The following ROBO1 variants were observed in gnomAD, a reference collection of about 807,000 sequenced individuals.
ROBO1 encodes the protein roundabout guidance receptor 1, also known as roundabout homolog 1.
ROBO1 carries 149 observed loss-of-function variants against 195.9 expected under a neutral mutation model. The observed-to-expected ratio is 0.76, with a 90% CI of 0.67 to 0.87. The LOEUF is 0.87. Ranked by LOEUF, ROBO1 falls within the 40% of genes least tolerant of loss-of-function variation. The pLI is 0.00. For synonymous variants in ROBO1, 816 were observed against 733.2 expected, an observed-to-expected ratio of 1.11 and a Z score of -1.82; for missense variants, 1,933 against 2,068.3, an observed-to-expected ratio of 0.93 and a Z score of 1.27.
Position 78,947,059 on chromosome 3 carries a change from C to A in ROBO1, c.173-8132G>T, listed in dbSNP as rs1215380194. Among the ~76,000 whole-genome samples the A allele has an allele frequency of 5.9e-5, 9 of 152,198 alleles. No individual in the cohort carries two copies. The East Asian group carries it at 1.7e-3, about 29-fold the overall frequency. On this transcript the variant is annotated intron_variant, in intron 3 of 30. Coordinates refer to ENST00000464233, the MANE Select transcript of ROBO1 (RefSeq NM_002941.4). ...TGACCTACAAAGAGACTTAGACTCC[C>A]ACACAATAATAATGGGAGATTTTAA...
intron 2 of ROBO1, among the ~76,000 whole-genome samples, chr3:79,196,742 GACTATCA>G (rs2081645001): frequency 6.6e-6 from 1 of 151,752 alleles, no homozygotes; most frequent in Admixed American, 6.6e-5. Context: ...AACACTTGCA[GACTATCA>G]ACTGGTAGGA....
intron 2 of ROBO1, among the ~76,000 whole-genome samples, chr3:79,420,374 C>T (rs978492591): frequency 2.6e-5 from 4 of 152,096 alleles, no homozygotes; most frequent in African/African-American, 2.4e-5. Context: ...TTCTTACCAA[C>T]GAATACAAAG....
At chr3:79,032,237 G>T (rs1014976299) in intron 3 of ROBO1, among the ~76,000 whole-genome samples, 11 of 151,898 alleles carry the variant, frequency 7.2e-5, no homozygotes, top group African/African-American at 1.9e-4. Flanking sequence ...ACAATACAGG[G>T]TACATAATAT....
chr3:79,067,231 T>C (rs945448788), intron 3 of ROBO1, among the ~76,000 whole-genome samples: 9 of 151,946 alleles, frequency 5.9e-5, no homozygotes, highest in Middle Eastern at 3.2e-3. Flanking sequence ...AAAAAGTTGA[T>C]TATTTCGTTG....
rs530482226 is a variant in ROBO1 at position 79,719,835 on chromosome 3, T to C, written c.-51+47917A>G. Among the ~76,000 whole-genome samples, 6 of 152,326 alleles carry C rather than the reference T, an allele frequency of 3.9e-5. No individual in the cohort carries two copies. The South Asian group carries it at 1.0e-3, about 26-fold the overall frequency. On this transcript the variant is annotated intron_variant, in intron 1 of 30. Transcript: ENST00000464233. ...TTAAAAATTAATGAAATGAATTTGG[T>C]ATGAGCTTTTCAAATATTTATCTCA...
rs560210035 is a variant in ROBO1 at position 79,117,003 on chromosome 3, T to C, written c.172+8453A>G. On this transcript the variant is annotated intron_variant, in intron 3 of 30. Coordinates refer to ENST00000464233, the MANE Select transcript of ROBO1 (RefSeq NM_002941.4). ...TGGTGAATACAAAAGGCCGACTGTA[T>C]TTTTAGTTTTTCCTCTTCTAAGAGC... 2.6e-5 allele frequency among the ~76,000 whole-genome samples: 4 copies of C among 152,322 alleles called. No homozygotes were observed. In the East Asian group the frequency reaches 7.7e-4, roughly 29 times the overall value.
intron 3 of ROBO1, among the ~76,000 whole-genome samples, chr3:78,993,011 C>T (rs2077273768): frequency 6.6e-6 from 1 of 152,112 alleles, no homozygotes; most frequent in African/African-American, 2.4e-5. Context: ...ACAATATTTT[C>T]TCTAAGTATT....
intron 1 of ROBO1, among the ~76,000 whole-genome samples, chr3:79,598,825 T>G (rs544279695): frequency 6.6e-6 from 1 of 152,120 alleles, no homozygotes; most frequent in African/African-American, 2.4e-5. Flanking sequence ...TTGCAGCAAC[T>G]CATAACAAAA....
chr3:78,757,818 A>C (rs954170678), intron 4 of ROBO1, among the ~76,000 whole-genome samples: 2 of 152,170 alleles, frequency 1.3e-5, no homozygotes, highest in African/African-American at 4.8e-5. Context: ...GAACTAAACA[A>C]AGGGATCTTT....
At chr3:78,780,307 C>T (rs182385440) in intron 4 of ROBO1, among the ~76,000 whole-genome samples, 398 of 152,204 alleles carry the variant, frequency 2.6e-3, no homozygotes, top group Non-Finnish European at 4.6e-3. Context: ...GCCACAGCTA[C>T]GTGTTAAAGC....
Position 79,081,347 on chromosome 3 carries a change from T to TC in ROBO1, c.172+44108_172+44109insG, listed in dbSNP as rs1559645064. Among the ~76,000 whole-genome samples the TC allele has an allele frequency of 2.6e-5, 4 of 152,140 alleles. No individual in the cohort carries two copies. The South Asian group carries it at 8.3e-4, about 32-fold the overall frequency. On this transcript the variant is annotated intron_variant, in intron 3 of 30. Coordinates refer to ENST00000464233, the MANE Select transcript of ROBO1 (RefSeq NM_002941.4). ...TTTAAAAAAAATTCCCACACTCAGA[T>TC]GGCTGTCAGTGGTGGTGCCAGTGAA...
In ROBO1 at chr3:78,938,814, TG is replaced by T; in HGVS notation, c.285del (p.Thr96HisfsTer37). 1 of 1,614,008 alleles carries T rather than the reference TG, an allele frequency of 6.2e-7. No individual in the cohort carries two copies. Among genetic ancestry groups the T allele is most frequent in the Non-Finnish European group, 8.5e-7 (1 of 1,179,894 alleles). On this transcript the variant is annotated frameshift_variant, in exon 4 of 31. Transcript: ENST00000464233. LOFTEE classifies it high-confidence loss of function. ...ATLNCKAEGR[P>X]TPTIEWYKGG... The stretch of plus-strand genomic sequence containing the variant: ...CCTTTGTACCATTCAATAGTGGGTG[TG>T]GGGCGGCCTTCAGCTTTGCAGTTCA...
At chr3:79,540,435 A>G (rs1164604704) in intron 2 of ROBO1, among the ~76,000 whole-genome samples, 3 of 152,008 alleles carry the variant, frequency 2.0e-5, no homozygotes, top group Non-Finnish European at 2.9e-5. Flanking sequence ...GGGTTTTGGC[A>G]TTTTCTAACT....
At chr3:78,970,929 C>CAAA (rs749424067) in intron 3 of ROBO1, among the ~76,000 whole-genome samples, 1 of 129,040 alleles carries the variant, frequency 7.7e-6, no homozygotes. Flanking sequence ...GTATAGATTG[C>CAAA]AAAAAAAAAA....
rs572218920 is a variant in ROBO1 at position 78,847,893 on chromosome 3, C to A, written c.499+90708G>T. On this transcript the variant is annotated intron_variant, in intron 4 of 30. Transcript: ENST00000464233. ...AACGGAATGTATGATACTTCATATA[C>A]ATAAAATGGTTTTAGTATGTGTAGC... 2.0e-3 allele frequency among the ~76,000 whole-genome samples: 302 copies of A among 152,170 alleles called. 1 individual carries two copies. Among genetic ancestry groups the A allele is most frequent in the Non-Finnish European group, 3.0e-3 (201 of 68,012 alleles).
At chr3:79,533,480 A>C (rs1941737913) in intron 2 of ROBO1, among the ~76,000 whole-genome samples, 1 of 152,086 alleles carries the variant, frequency 6.6e-6, no homozygotes, top group Non-Finnish European at 1.5e-5. Context: ...ATTTAACTTT[A>C]TTTACTAGAC....
chr3:78,992,306 G>C (rs1320876479), intron 3 of ROBO1, among the ~76,000 whole-genome samples: 2 of 152,106 alleles, frequency 1.3e-5, no homozygotes, highest in Non-Finnish European at 2.9e-5. Flanking sequence ...CATTTCCTTG[G>C]TACGTTTATT....
chr3:79,449,531 A>G (rs556559022), intron 2 of ROBO1, among the ~76,000 whole-genome samples: 122 of 152,312 alleles, frequency 8.0e-4, no homozygotes, highest in African/African-American at 2.9e-3. Flanking sequence ...GAATATTCTC[A>G]GTAAAAGGGC....
intron 3 of ROBO1, among the ~76,000 whole-genome samples, chr3:78,957,061 G>A (rs1352566699): frequency 1.3e-5 from 2 of 152,066 alleles, no homozygotes; most frequent in Non-Finnish European, 2.9e-5. Flanking sequence ...TGTAGTTTTT[G>A]TTTCCTTCTC....
Sources: allele counts gnomAD v4.1 joint callset (sites outside exome capture counted in the v4.1 genomes callset), GRCh38; gene constraint gnomAD v4.1.1; transcripts MANE v1.5; gene names NCBI Gene and HGNC (gene_info 2026-07-23, HGNC 2026-07-21).